The following ADGRB3 variants were observed in gnomAD, a reference collection of about 807,000 sequenced individuals.
The protein encoded by ADGRB3 is adhesion G protein-coupled receptor B3.
ADGRB3 carries 37 observed loss-of-function variants against 193.4 expected under a neutral mutation model. The observed-to-expected ratio is 0.19, with a 90% CI of 0.15 to 0.25. The LOEUF (loss-of-function observed/expected upper bound fraction) is 0.25. Among genes scored for constraint, ADGRB3 ranks in the 10% least tolerant of loss-of-function variants. The pLI is 1.00. For missense variants in ADGRB3, 1,637 were observed against 1,852.9 expected (o/e 0.88, Z 2.14); for synonymous variants, 690 against 644.2 (o/e 1.07, Z -1.08).
At chr6:69,373,693 A>G (rs1003939130) in intron 30 of ADGRB3, among the ~76,000 whole-genome samples, 9 of 152,046 alleles carry the variant, frequency 5.9e-5, no homozygotes. Context: ...ATAGCTTTTT[A>G]ATATTAATTC....
intron 17 of ADGRB3, among the ~76,000 whole-genome samples, chr6:69,135,238 C>G (rs1042028917): frequency 6.6e-6 from 1 of 151,600 alleles, no homozygotes; most frequent in Non-Finnish European, 1.5e-5. Context: ...CTATTTTCTT[C>G]TAGAAGCAGC....
intron 3 of ADGRB3, among the ~76,000 whole-genome samples, chr6:68,725,035 C>A (rs1322943030): frequency 6.6e-6 from 1 of 151,630 alleles, no homozygotes; most frequent in African/African-American, 2.4e-5. Context: ...AATTGCACCA[C>A]CAACCACATT....
intron 17 of ADGRB3, among the ~76,000 whole-genome samples, chr6:69,129,079 C>T (rs1055741977): frequency 7.2e-5 from 11 of 152,238 alleles, no homozygotes; most frequent in Admixed American, 2.6e-4. Context: ...TTGATACTTA[C>T]GAACAGTAGC....
chr6:68,746,114 T>A (rs573484433), intron 3 of ADGRB3, among the ~76,000 whole-genome samples: 1 of 152,086 alleles, frequency 6.6e-6, no homozygotes, highest in African/African-American at 2.4e-5. Flanking sequence ...TGCTGCCAAA[T>A]TAGCCTCCAT....
At chr6:68,861,703 T>G (rs1426515532) in intron 3 of ADGRB3, among the ~76,000 whole-genome samples, 1 of 152,234 alleles carries the variant, frequency 6.6e-6, no homozygotes, top group Non-Finnish European at 1.5e-5. Context: ...GTTATTCTTT[T>G]TGGATGGAGT....
intron 3 of ADGRB3, among the ~76,000 whole-genome samples, chr6:68,667,180 C>T (rs1189466422): frequency 6.6e-6 from 1 of 151,828 alleles, no homozygotes; most frequent in South Asian, 2.1e-4. Context: ...GTATCATTGG[C>T]TAAGTTCAAC....
chr6:69,274,467 TCCTTCCTTCCTC>T lies in ADGRB3; in HGVS notation c.2814+35245_2814+35256del, dbSNP rs1278945896. ...GCATTTCCTTCCTTCCTTCCTTCCTTCCTTCCTTCCTCCCTCCCTCCCTCCCTCCCTTTCTTC... is the reference window on the plus strand; with the variant it reads ...GCATTTCCTTCCTTCCTTCCTTCCTTCCTCCCTCCCTCCCTCCCTTTCTTC... On this transcript the variant is annotated intron_variant, in intron 20 of 31. Coordinates refer to ENST00000370598, the MANE Select transcript of ADGRB3 (RefSeq NM_001704.3). Among the ~76,000 whole-genome samples the T allele has an allele frequency of 4.1e-4, 59 of 145,160 alleles. 1 individual carries two copies. Among genetic ancestry groups the T allele is most frequent in the Admixed American group, 2.9e-3 (42 of 14,548 alleles).
intron 29 of ADGRB3, among the ~76,000 whole-genome samples, chr6:69,371,214 A>G (rs1441806676): frequency 6.6e-6 from 1 of 152,100 alleles, no homozygotes; most frequent in Admixed American, 6.6e-5. Context: ...CCTTCTGTCT[A>G]CTGAAACGTG....
intron 6 of ADGRB3, among the ~76,000 whole-genome samples, chr6:68,954,234 T>C (rs1304904051): frequency 3.9e-5 from 6 of 152,226 alleles, no homozygotes; most frequent in Admixed American, 3.9e-4. Flanking sequence ...TTTATTTATT[T>C]ATTCATTTGC....
chr6:69,043,030 A>C (rs1259480086), intron 13 of ADGRB3, among the ~76,000 whole-genome samples: 1 of 152,068 alleles, frequency 6.6e-6, no homozygotes, highest in Admixed American at 6.6e-5. Context: ...CTTAAATGCA[A>C]TCCTTTTGAA....
At chr6:69,049,397 G>A (rs373284219) in intron 15 of ADGRB3, 51 bp downstream of exon 15, 235 of 1,311,384 alleles carry the variant, frequency 1.8e-4, no homozygotes, top group Admixed American at 5.9e-4. Flanking sequence ...ATTCCAAAAT[G>A]TGATTATAGC....
intron 3 of ADGRB3, among the ~76,000 whole-genome samples, chr6:68,823,399 CATAG>C (rs1767783230): frequency 6.6e-6 from 1 of 151,834 alleles, no homozygotes; most frequent in African/African-American, 2.4e-5. Context: ...TAAGTAGATA[CATAG>C]ATAGATACAT....
chr6:68,943,804 G>T, intron 5 of ADGRB3, 26 bp from the exon 6 acceptor site: 1 of 1,550,296 alleles, frequency 6.5e-7, no homozygotes, highest in Non-Finnish European at 8.8e-7. Context: ...TGCTTTTGTT[G>T]TTGAAGCTTC....
At chr6:68,860,099 A>G (rs1026455192) in intron 3 of ADGRB3, among the ~76,000 whole-genome samples, 4 of 152,208 alleles carry the variant, frequency 2.6e-5, no homozygotes, top group African/African-American at 9.6e-5. Context: ...GTCTGTTTAT[A>G]TGGAAGACAG....
intron 3 of ADGRB3, among the ~76,000 whole-genome samples, chr6:68,898,811 C>G (rs1286170628): frequency 1.3e-5 from 2 of 152,106 alleles, no homozygotes; most frequent in African/African-American, 4.8e-5. Context: ...TAACCTCAAT[C>G]TAATCATGAG....
intron 10 of ADGRB3, among the ~76,000 whole-genome samples, chr6:68,977,717 C>T (rs924799661): frequency 1.1e-4 from 17 of 152,142 alleles, no homozygotes; most frequent in African/African-American, 3.4e-4. Context: ...TCTGTTTATT[C>T]GGCTCCTACA....
chr6:69,354,462 A>C, intron 27 of ADGRB3, 134 bp downstream of exon 27: 1 of 693,862 alleles, frequency 1.4e-6, no homozygotes, highest in Non-Finnish European at 2.5e-6. Flanking sequence ...TAGACTGTGA[A>C]CTCTGGTACC....
chr6:69,123,274 G>A (rs1773768670), intron 17 of ADGRB3, among the ~76,000 whole-genome samples: 1 of 152,100 alleles, frequency 6.6e-6, no homozygotes, highest in Non-Finnish European at 1.5e-5. Flanking sequence ...AAATATTAGA[G>A]TTAGAAACAG....
chr6:69,030,329 G>T (rs950564423), intron 13 of ADGRB3, among the ~76,000 whole-genome samples: 1 of 152,058 alleles, frequency 6.6e-6, no homozygotes, highest in Non-Finnish European at 1.5e-5. Context: ...GTTTATTGCA[G>T]CACTATTCAC....
Sources: gnomAD v4.1 joint callset for allele counts (sites outside exome capture counted in the v4.1 genomes callset) on GRCh38, gnomAD v4.1.1 for gene constraint, MANE v1.5 for transcripts, NCBI Gene and HGNC (gene_info 2026-07-23, HGNC 2026-07-21) for gene names.